SMG1: variants seen among roughly 807,000 people sequenced by gnomAD.
SMG1 encodes serine/threonine-protein kinase SMG1.
Under a neutral mutation model 419.9 loss-of-function variants are expected in SMG1, and 22 were observed. The observed-to-expected ratio is 0.05, with a 90% CI of 0.04 to 0.07. The LOEUF (loss-of-function observed/expected upper bound fraction) is 0.07. Among genes scored for constraint, SMG1 ranks in the 10% least tolerant of loss-of-function variants. SMG1 has a pLI of 1.00. For synonymous variants in SMG1, 1,538 were observed against 1,553.5 expected, an observed-to-expected ratio of 0.99 and a Z score of 0.23; for missense variants, 3,185 against 4,342.0, an observed-to-expected ratio of 0.73 and a Z score of 7.49.
At chr16:18,818,833 T>TC (rs1416892273) in intron 56 of SMG1, among the ~76,000 whole-genome samples, 1 of 149,794 alleles carries the variant, frequency 6.7e-6, no homozygotes, top group Admixed American at 6.7e-5. Flanking sequence ...TTTTTTTTTT[T>TC]TGAGACAGAG....
rs951607434 is a variant in SMG1, at chr16:18,895,931, C to G, written c.412+121G>C. On this transcript the variant is annotated intron_variant, in intron 3 of 62. Coordinates refer to ENST00000446231, the MANE Select transcript of SMG1 (RefSeq NM_015092.5). Reference sequence around the variant, plus strand: ...GGGAAATGAATGTAAACAATTTTTACCTGCACAGTAGGCTAATCAACTTAT... The same window carrying G: ...GGGAAATGAATGTAAACAATTTTTAGCTGCACAGTAGGCTAATCAACTTAT... 10 of 1,038,904 alleles carry G rather than the reference C, an allele frequency of 9.6e-6. No homozygotes were observed. In the African/African-American group the frequency reaches 1.4e-4, roughly 15 times the overall value. The allele number at this position is 1,038,904 out of a possible 1,614,324, so 64.4% of individuals were successfully genotyped here.
intron 1 of SMG1, among the ~76,000 whole-genome samples, chr16:18,921,152 A>AG (rs1194359855): frequency 1.0e-4 from 15 of 148,798 alleles, no homozygotes; most frequent in South Asian, 2.1e-4. Context: ...AAAAAAAAAA[A>AG]AAAGAGAGAG....
intron 1 of SMG1, among the ~76,000 whole-genome samples, chr16:18,906,691 T>C (rs1470844882): frequency 6.6e-6 from 1 of 152,172 alleles, no homozygotes; most frequent in Non-Finnish European, 1.5e-5. Flanking sequence ...CAATCCCACA[T>C]GTCCCTCCAT....
At chr16:18,816,994 A>G (rs746762515) in intron 57 of SMG1, among the ~76,000 whole-genome samples, 12 of 152,052 alleles carry the variant, frequency 7.9e-5, no homozygotes, top group Non-Finnish European at 1.3e-4. Flanking sequence ...AGTGCATTGG[A>G]ATCATTTGCT....
Position 18,917,740 on chromosome 16 carries a change from A to G in SMG1, c.92+8210T>C, listed in dbSNP as rs1347615947. 3.3e-5 allele frequency among the ~76,000 whole-genome samples: 5 copies of G among 149,810 alleles called. No individual in the cohort carries two copies. In the East Asian group the frequency reaches 1.0e-3, roughly 31 times the overall value. ...ATACAGGCATGCACCACCACACTCG[A>G]CTAATTTTGTATTTTTAGTAGAGAC... On this transcript the variant is annotated intron_variant, in intron 1 of 62. Coordinates refer to ENST00000446231, the MANE Select transcript of SMG1 (RefSeq NM_015092.5).
rs140045319 is a variant in SMG1, at chr16:18,897,841, C to T, written c.93-885G>A. ...CAACAAAATAATCTATTATAGCATA[C>T]GAAAAATCCAAGTAAGTTCTTCCCC... is the stretch of plus-strand genomic sequence containing the variant. On this transcript the variant is annotated intron_variant, in intron 1 of 62. Coordinates refer to ENST00000446231, the MANE Select transcript of SMG1 (RefSeq NM_015092.5). Among the ~76,000 whole-genome samples, 124 of 150,542 alleles carry T rather than the reference C, an allele frequency of 8.2e-4. 1 individual carries two copies. Among genetic ancestry groups the T allele is most frequent in the Non-Finnish European group, 1.6e-3 (109 of 67,790 alleles).
At chr16:18,850,707 T>C (rs1431444241) in intron 33 of SMG1, among the ~76,000 whole-genome samples, 1 of 152,200 alleles carries the variant, frequency 6.6e-6, no homozygotes, top group African/African-American at 2.4e-5. Context: ...TGGGGTTTCG[T>C]TGTACTTTAA....
chr16:18,926,180 GAGA>G lies in SMG1; in HGVS notation c.-142_-140del, dbSNP rs1301033883. ...GAAGGAGGAGGAGGAGGAGGAGGAG[GAGA>G]AGGAGGAGGCGGCGGAGGGCGGGGG... On this transcript the variant is annotated 5_prime_UTR_variant, in exon 1 of 63. Transcript: ENST00000446231. 1.2e-5 allele frequency: 8 copies of G among 668,632 alleles called. No individual in the cohort carries two copies. Among genetic ancestry groups the G allele is most frequent in the East Asian group, 1.0e-4 (3 of 29,866 alleles). The allele number at this position is 668,632 out of a possible 1,614,324, so 41.4% of individuals were successfully genotyped here. A position where few individuals can be genotyped will look rare whatever the true frequency, so the allele number is the denominator to read the frequency against.
Position 18,904,279 on chromosome 16 carries a change from T to G in SMG1, c.93-7323A>C, listed in dbSNP as rs557310202. Among the ~76,000 whole-genome samples, 3 of 151,344 alleles carry G rather than the reference T, an allele frequency of 2.0e-5. No homozygotes were observed. In the South Asian group the frequency reaches 6.3e-4, roughly 32 times the overall value. On this transcript the variant is annotated intron_variant, in intron 1 of 62. Coordinates refer to ENST00000446231, the MANE Select transcript of SMG1 (RefSeq NM_015092.5). ...GCAAAATCTCCCATTTTACTACTGC[T>G]TATCACATCATCAACATATGAGCAC...
chr16:18,894,353 A>C (rs1452864561), intron 3 of SMG1, among the ~76,000 whole-genome samples: 1 of 152,176 alleles, frequency 6.6e-6, no homozygotes, highest in Non-Finnish European at 1.5e-5. Flanking sequence ...AGAGTATTTC[A>C]ATAAGGACAG....
chr16:18,851,338 A>G lies in SMG1; in HGVS notation c.5052+729T>C, dbSNP rs189334472. On this transcript the variant is annotated intron_variant, in intron 33 of 62. Coordinates refer to ENST00000446231, the MANE Select transcript of SMG1 (RefSeq NM_015092.5). Reference sequence around the variant, plus strand: ...GGAGAGAGTGTGAATTATACAGATCATCTAGTCCATTTTCAACACTGGCTG... The same window carrying G: ...GGAGAGAGTGTGAATTATACAGATCGTCTAGTCCATTTTCAACACTGGCTG... Among the ~76,000 whole-genome samples, 558 of 152,344 alleles carry G rather than the reference A, an allele frequency of 3.7e-3. 6 individuals are homozygous for G. The highest frequency in any genetic ancestry group is 6.1e-3 in the Non-Finnish European group (414 of 68,034).
chr16:18,849,094 A>C (rs1335355746), intron 36 of SMG1, 123 bp downstream of exon 36: 35 of 251,028 alleles, frequency 1.4e-4, no homozygotes, highest in African/African-American at 8.0e-4. Context: ...AAAAAAAAAA[A>C]AAAAAAAAAA....
intron 1 of SMG1, among the ~76,000 whole-genome samples, chr16:18,918,728 T>C (rs1479631558): frequency 6.6e-6 from 1 of 152,150 alleles, no homozygotes; most frequent in Non-Finnish European, 1.5e-5. Context: ...TTTGTATTTT[T>C]AGTAGAGACG....
chr16:18,817,792 C>T (rs570633614), intron 56 of SMG1, among the ~76,000 whole-genome samples: 1 of 152,294 alleles, frequency 6.6e-6, no homozygotes, highest in Admixed American at 6.5e-5. Flanking sequence ...GTTACAGCCA[C>T]AATTCAGAAG....
chr16:18,835,880 C>T, intron 48 of SMG1, 53 bp downstream of exon 48: 1 of 1,508,938 alleles, frequency 6.6e-7, no homozygotes, highest in East Asian at 2.5e-5. Flanking sequence ...GCCTGGGTGA[C>T]AGAACAAGAC....
chr16:18,846,924 A>G (rs2650616), intron 38 of SMG1, among the ~76,000 whole-genome samples: 2,086 of 152,280 alleles, frequency 0.014, 53 homozygotes, highest in African/African-American at 0.047. Flanking sequence ...GAAAGCAGAG[A>G]GTCAAACAGA....
intron 4 of SMG1, among the ~76,000 whole-genome samples, chr16:18,891,200 A>C (rs2036860515): frequency 6.6e-6 from 1 of 152,224 alleles, no homozygotes. Flanking sequence ...TGAAAAATTG[A>C]CTGATGGATG....
At position 18,904,350 on chromosome 16, in the gene SMG1, A is replaced by T. The variant is rs188410001; in HGVS notation, c.93-7394T>A. ...AAAAAACAAAAAACAAAAAACAAAA[A>T]ATGGCCGGGCACGGCGGCTCACGCC... On this transcript the variant is annotated intron_variant, in intron 1 of 62. Transcript: ENST00000446231. Among the ~76,000 whole-genome samples, 59 of 151,262 alleles carry T rather than the reference A, an allele frequency of 3.9e-4. 1 individual carries two copies. In the East Asian group the frequency reaches 0.011, roughly 28 times the overall value.
At chr16:18,817,055 G>A (rs2032063614) in intron 57 of SMG1, among the ~76,000 whole-genome samples, 1 of 134,656 alleles carries the variant, frequency 7.4e-6, no homozygotes, top group Non-Finnish European at 1.5e-5. Flanking sequence ...TTTGGTTGTA[G>A]CTATGAGGAT....
Sources: gnomAD v4.1 joint callset for allele counts (sites outside exome capture counted in the v4.1 genomes callset) on GRCh38, gnomAD v4.1.1 for gene constraint, MANE v1.5 for transcripts, NCBI Gene and HGNC (gene_info 2026-07-23, HGNC 2026-07-21) for gene names.